Variants in EHHADH observed in about 807,000 individuals in gnomAD.
The protein encoded by EHHADH is enoyl-CoA hydratase and 3-hydroxyacyl CoA dehydrogenase.
In EHHADH, 48 loss-of-function variants were observed where a neutral mutation model predicts 64.4. The ratio of observed to expected loss-of-function variants is 0.75; its 90% CI spans 0.59 to 0.95. EHHADH has a LOEUF of 0.95. EHHADH is among the 40% of genes least tolerant of loss of function. EHHADH has a pLI of 0.00. For missense variants in EHHADH, 854 were observed against 876.6 expected (o/e 0.97, Z 0.33); for synonymous variants, 308 against 326.7 (o/e 0.94, Z 0.62).
chr3:185,243,945 G>T (rs1254199624), intron 2 of EHHADH, among the ~76,000 whole-genome samples: 1 of 152,118 alleles, frequency 6.6e-6, no homozygotes, highest in Non-Finnish European at 1.5e-5. Context: ...GCTGTCAGCG[G>T]GGTTTTGAAG....
At chr3:185,242,732 C>T (rs923688441) in intron 2 of EHHADH, among the ~76,000 whole-genome samples, 2 of 152,178 alleles carry the variant, frequency 1.3e-5, no homozygotes, top group African/African-American at 4.8e-5. Context: ...CATCTAACAG[C>T]ACTGAGTCTG....
intron 1 of EHHADH, among the ~76,000 whole-genome samples, chr3:185,251,226 G>GT (rs879700919): frequency 5.5e-4 from 81 of 146,122 alleles, no homozygotes; most frequent in Non-Finnish European, 5.7e-4. Flanking sequence ...TTTTTAGACA[G>GT]TTTTTTTTTT....
At chr3:185,242,212 G>C (rs557698240) in intron 2 of EHHADH, among the ~76,000 whole-genome samples, 1 of 152,300 alleles carries the variant, frequency 6.6e-6, no homozygotes, top group South Asian at 2.1e-4. Flanking sequence ...TGGATGGGTA[G>C]AATCAATATT....
intron 3 of EHHADH, among the ~76,000 whole-genome samples, chr3:185,231,673 GCTAA>G (rs1308985058): frequency 2.0e-4 from 27 of 133,998 alleles, no homozygotes; most frequent in African/African-American, 6.5e-4. Flanking sequence ...GGCAAAACAT[GCTAA>G]ACAAAAAAAG....
intron 4 of EHHADH, among the ~76,000 whole-genome samples, chr3:185,227,628 CAAGCCTGACCAACATGGAGA>C (rs1560016616): frequency 6.6e-6 from 1 of 151,856 alleles, no homozygotes; most frequent in Non-Finnish European, 1.5e-5. Context: ...GAGTTCGAGA[CAAGCCTGACCAACATGGAGA>C]AACCCTGTCT....
chr3:185,218,274 C>A, intron 4 of EHHADH, 34 bp from the exon 5 acceptor site: 1 of 1,499,322 alleles, frequency 6.7e-7, no homozygotes, highest in Non-Finnish European at 9.2e-7. Flanking sequence ...AACAACAAAT[C>A]AAAGAGCGAT....
chr3:185,248,496 T>C lies in EHHADH; in HGVS notation c.96A>G (p.Ile32Met). The stretch of plus-strand genomic sequence containing the variant: ...TTACAGCTTTCTGTAGTCCTTCTTT[T>C]ATGTCACGGAGTAAAGTCGTACTAA... ...NAISTTLLRD[I>M]KEGLQKAVID... The change falls in exon 2 of 7, where the codon ATA becomes ATG. Residue 32 changes from isoleucine to methionine, a missense_variant. Transcript: ENST00000231887. 1.2e-6 allele frequency: 2 copies of C among 1,612,842 alleles called. No homozygotes were observed. Among genetic ancestry groups the C allele is most frequent in the Non-Finnish European group, 1.7e-6 (2 of 1,179,298 alleles).
In EHHADH at chr3:185,254,023, G is replaced by C. The variant is rs762584827; in HGVS notation, c.-1C>G. The C allele has an allele frequency of 6.2e-7, 1 of 1,613,610 alleles. No homozygotes were observed. Among genetic ancestry groups the C allele is most frequent in the African/African-American group, 1.3e-5 (1 of 74,904 alleles). The stretch of plus-strand genomic sequence containing the variant: ...TGTGCAGCCGCGTATACTCGGCCAT[G>C]TTTCCTCTATCACCGAGGGCACCTC... On this transcript the variant is annotated 5_prime_UTR_variant, in exon 1 of 7. Transcript: ENST00000231887.
intron 3 of EHHADH, among the ~76,000 whole-genome samples, chr3:185,232,876 T>C (rs1036778803): frequency 5.3e-5 from 8 of 152,376 alleles, no homozygotes; most frequent in Non-Finnish European, 1.2e-4. Context: ...AAGAATTCTA[T>C]ATCCAACAAA....
At chr3:185,240,700 T>G (rs1356084568) in intron 2 of EHHADH, among the ~76,000 whole-genome samples, 3 of 152,118 alleles carry the variant, frequency 2.0e-5, no homozygotes, top group African/African-American at 7.2e-5. Flanking sequence ...AATTTTTCTC[T>G]TTTCAAAGAA....
intron 5 of EHHADH, among the ~76,000 whole-genome samples, chr3:185,217,650 GCT>G (rs1441125029): frequency 6.6e-6 from 1 of 151,426 alleles, no homozygotes; most frequent in Non-Finnish European, 1.5e-5. Flanking sequence ...ACGGGTAAAA[GCT>G]CTGAGACCTC....
intron 2 of EHHADH, among the ~76,000 whole-genome samples, chr3:185,238,169 CT>C (rs772045415): frequency 5.3e-5 from 8 of 152,094 alleles, no homozygotes; most frequent in Admixed American, 3.9e-4. Flanking sequence ...TTGATAGACC[CT>C]TAGGTTGATT....
intron 2 of EHHADH, among the ~76,000 whole-genome samples, chr3:185,237,617 A>G (rs1719333161): frequency 6.6e-6 from 1 of 152,236 alleles, no homozygotes; most frequent in Admixed American, 6.5e-5. Flanking sequence ...ACATAATCAT[A>G]TAATTTTTCT....
chr3:185,246,040 C>T (rs1719585734), intron 2 of EHHADH: 11 of 1,296,220 alleles, frequency 8.5e-6, no homozygotes, highest in Admixed American at 8.4e-5. Context: ...GTAGTTCATC[C>T]TCATCTGGGA....
intron 4 of EHHADH, among the ~76,000 whole-genome samples, chr3:185,227,670 A>G (rs1719018783): frequency 6.7e-6 from 1 of 149,438 alleles, no homozygotes; most frequent in Non-Finnish European, 1.5e-5. Context: ...TACTAAAAAT[A>G]CAAAAATTAG....
chr3:185,204,125 T>G (rs1173546830), intron 6 of EHHADH, among the ~76,000 whole-genome samples: 1 of 99,916 alleles, frequency 1.0e-5, no homozygotes, highest in African/African-American at 4.2e-5. Flanking sequence ...AGAACAAGAC[T>G]CTGTCTCAAA....
At chr3:185,240,364 T>A (rs1315199845) in intron 2 of EHHADH, among the ~76,000 whole-genome samples, 1 of 151,234 alleles carries the variant, frequency 6.6e-6, no homozygotes, top group African/African-American at 2.4e-5. Flanking sequence ...TCTTTGCACA[T>A]CTGGTAAAAT....
chr3:185,204,207 C>T (rs1430627050), intron 6 of EHHADH, among the ~76,000 whole-genome samples: 1 of 151,728 alleles, frequency 6.6e-6, no homozygotes, highest in Non-Finnish European at 1.5e-5. Flanking sequence ...AGACTTTCAC[C>T]CTACTCGTGT....
chr3:185,245,401 T>A, intron 2 of EHHADH: 1 of 571,706 alleles, frequency 1.7e-6, no homozygotes, highest in Non-Finnish European at 2.9e-6. Context: ...TCCACTCTGA[T>A]GGCAAACTGG....
Sources: allele counts gnomAD v4.1 joint callset (sites outside exome capture counted in the v4.1 genomes callset), GRCh38; gene constraint gnomAD v4.1.1; transcripts MANE v1.5; gene names NCBI Gene and HGNC (gene_info 2026-07-23, HGNC 2026-07-21).